The following ARSG variants were observed in gnomAD, a reference collection of about 807,000 sequenced individuals.
ARSG encodes ASG.
Under a neutral mutation model 50.5 loss-of-function variants are expected in ARSG, and 37 were observed. The observed-to-expected ratio is 0.73, with a 90% CI of 0.56 to 0.96. The LOEUF (loss-of-function observed/expected upper bound fraction) is 0.96, where lower values mean the gene tolerates loss of function less well. Among genes scored for constraint, ARSG ranks in the 50% least tolerant of loss-of-function variants. The probability of loss-of-function intolerance (pLI) is 0.00; values close to 1 mark genes in which losing one functional copy is unlikely to be tolerated. For synonymous variants in ARSG, 225 were observed against 254.6 expected, an observed-to-expected ratio of 0.88 and a Z score of 1.11; for missense variants, 629 against 675.3, an observed-to-expected ratio of 0.93 and a Z score of 0.76.
intron 8 of ARSG, among the ~76,000 whole-genome samples, chr17:68,383,882 T>C (rs2080566746): frequency 6.6e-6 from 1 of 152,086 alleles, no homozygotes; most frequent in South Asian, 2.1e-4. Flanking sequence ...ACATAAACAG[T>C]CCATAGGACA....
chr17:68,427,194 G>A (rs1305798948), downstream of ARSG: 1 of 1,614,068 alleles, frequency 6.2e-7, no homozygotes, highest in Non-Finnish European at 8.5e-7. Flanking sequence ...ATAAGACTGA[G>A]GTAAGGAAGG....
the ARSG span, chr17:68,450,888 G>A: frequency 2.4e-5 from 38 of 1,611,530 alleles, no homozygotes; most frequent in Middle Eastern, 3.3e-4. Context: ...GTAGACGTCC[G>A]GGATTTCATC....
chr17:68,410,060 G>A lies in ARSG; in HGVS notation c.1303+8610G>A, dbSNP rs1359586073. On this transcript the variant is annotated intron_variant, in intron 11 of 11. Transcript: ENST00000621439. Reference sequence around the variant, plus strand: ...GGTTTTCTAGATATACAATGATGTCGTCTGCAAACAGGGACAATTTGACTT... The same window carrying A: ...GGTTTTCTAGATATACAATGATGTCATCTGCAAACAGGGACAATTTGACTT... Among the ~76,000 whole-genome samples the A allele has an allele frequency of 3.2e-3, 476 of 150,900 alleles. 3 individuals carry two copies. The highest frequency in any genetic ancestry group is 0.01 in the African/African-American group (417 of 40,918).
Position 68,394,999 on chromosome 17 carries a change from G to A in ARSG, c.1092-74G>A, listed in dbSNP as rs2081170228. On this transcript the variant is annotated intron_variant, in intron 9 of 11. Coordinates refer to ENST00000621439, the MANE Select transcript of ARSG (RefSeq NM_001267727.2). ...GGGTGCTTGCTCTGGGCTGGTTCAG[G>A]TGGGGGTTGACACGGCAGGGTCAGG... 3.1e-6 allele frequency: 5 copies of A among 1,593,300 alleles called. No individual in the cohort carries two copies. In the Admixed American group the frequency reaches 6.8e-5, roughly 22 times the overall value.
downstream of ARSG, chr17:68,427,060 G>C: frequency 8.0e-7 from 1 of 1,247,436 alleles, no homozygotes; most frequent in Non-Finnish European, 1.2e-6. Flanking sequence ...AGGGGGAAGG[G>C]GAGGGAGCGT....
At chr17:68,408,385 T>A (rs2081840733) in intron 11 of ARSG, among the ~76,000 whole-genome samples, 1 of 151,406 alleles carries the variant, frequency 6.6e-6, no homozygotes, top group African/African-American at 2.4e-5. Flanking sequence ...TTTGGTTTTT[T>A]GTTCTTGCAA....
intron 1 of ARSG, chr17:68,278,443 A>ATATT (rs533229022): frequency 4.8e-4 from 308 of 638,148 alleles, no homozygotes; most frequent in African/African-American, 1.8e-3. Flanking sequence ...AAGTTGTTGA[A>ATATT]TATTTATTTA....
At chr17:68,332,450 T>C (rs955065165) in intron 2 of ARSG, among the ~76,000 whole-genome samples, 2 of 152,130 alleles carry the variant, frequency 1.3e-5, no homozygotes, top group African/African-American at 4.8e-5. Context: ...CATCCTCAGC[T>C]TACAAAGATG....
chr17:68,271,554 G>A lies in ARSG; in HGVS notation c.-552+12128G>A, dbSNP rs1418282121. On this transcript the variant is annotated intron_variant, in intron 1 of 11. Transcript: ENST00000448504. This position sits in a 1 kb window ranked among gnomAD's most constrained non-coding sequence, Gnocchi z 5.3. ...GTGACGCTGGTCCTCTGATAAAGAT[G>A]GGTCTGAGCAGTGCTCCGAAGATGA... The A allele has an allele frequency of 1.2e-6, 2 of 1,614,078 alleles. No individual in the cohort carries two copies. The highest frequency in any genetic ancestry group is 3.3e-5 in the Admixed American group (2 of 60,008).
intron 1 of ARSG, among the ~76,000 whole-genome samples, chr17:68,300,326 T>A (rs2076365284): frequency 6.6e-6 from 1 of 152,190 alleles, no homozygotes; most frequent in Non-Finnish European, 1.5e-5. Context: ...CCTGACCATG[T>A]GTTGATAATT....
intron 9 of ARSG, among the ~76,000 whole-genome samples, chr17:68,391,332 G>T (rs1355577628): frequency 6.6e-6 from 1 of 152,294 alleles, no homozygotes; most frequent in African/African-American, 2.4e-5. Context: ...GCCAAATCGG[G>T]ATGGGGCTGC....
intron 8 of ARSG, among the ~76,000 whole-genome samples, chr17:68,382,332 A>G (rs188655965): frequency 3.0e-4 from 46 of 152,318 alleles, no homozygotes; most frequent in Admixed American, 2.7e-3. Context: ...GATGGGGACA[A>G]TAGTGGCTAA....
chr17:68,417,648 A>T (rs2082457507), intron 11 of ARSG, among the ~76,000 whole-genome samples: 1 of 130,486 alleles, frequency 7.7e-6, no homozygotes, highest in Admixed American at 8.6e-5. Context: ...GATTGTTTCT[A>T]TTTGCTTGTC....
chr17:68,270,878 T>G (rs1555748264), intron 1 of ARSG: 1 of 1,614,146 alleles, frequency 6.2e-7, no homozygotes, highest in Admixed American at 1.7e-5. Flanking sequence ...ATGCTCTGAA[T>G]GAAGATGTAG....
chr17:68,374,088 C>T (rs1240794260), intron 8 of ARSG, among the ~76,000 whole-genome samples: 3 of 144,064 alleles, frequency 2.1e-5, no homozygotes, highest in Non-Finnish European at 4.5e-5. Flanking sequence ...ACCAGGGAGG[C>T]GGAGCTTGCA....
At chr17:68,349,451 G>C (rs530490989) in intron 4 of ARSG, among the ~76,000 whole-genome samples, 7 of 152,128 alleles carry the variant, frequency 4.6e-5, no homozygotes, top group Admixed American at 3.9e-4. Context: ...GGCTCTTTCC[G>C]GCAGAAGTTT....
downstream of ARSG, chr17:68,424,526 G>C (rs1477452388): frequency 1.9e-6 from 1 of 533,564 alleles, no homozygotes. Context: ...TTGTTTCAGT[G>C]CCCAAGTGGC....
intron 1 of ARSG, among the ~76,000 whole-genome samples, chr17:68,273,724 A>C (rs528261717): frequency 1.8e-4 from 28 of 152,308 alleles, no homozygotes; most frequent in African/African-American, 6.7e-4. Flanking sequence ...ATCAAACAAA[A>C]ACCCTTGGGC....
At chr17:68,289,350 A>C (rs1238306606), upstream of ARSG, among the ~76,000 whole-genome samples, 6 of 152,092 alleles carry the variant, frequency 3.9e-5, no homozygotes, top group Non-Finnish European at 7.4e-5. Flanking sequence ...TATCCTTGGG[A>C]GTTTCACTGT....
Sources: allele counts gnomAD v4.1 joint callset (sites outside exome capture counted in the v4.1 genomes callset), GRCh38; gene constraint gnomAD v4.1.1; non-coding constraint Gnocchi (gnomAD v3.1); transcripts MANE v1.5; gene names NCBI Gene and HGNC (gene_info 2026-07-23, HGNC 2026-07-21).